ATP8B4: variants seen among roughly 807,000 people sequenced by gnomAD.
ATP8B4 encodes probable phospholipid-transporting ATPase IM.
Under a neutral mutation model 145.6 loss-of-function variants are expected in ATP8B4, and 133 were observed. That is an observed-to-expected ratio of 0.91 (90% CI 0.79 to 1.05). The LOEUF (loss-of-function observed/expected upper bound fraction) is 1.05. Among genes scored for constraint, ATP8B4 ranks in the 50% least tolerant of loss-of-function variants. The pLI, the probability that ATP8B4 is intolerant of heterozygous loss-of-function variation, is 0.00. For missense variants in ATP8B4, 1,458 were observed against 1,425.2 expected, an observed-to-expected ratio of 1.02 and a Z score of -0.37; for synonymous variants, 507 against 492.9, an observed-to-expected ratio of 1.03 and a Z score of -0.38.
intron 14 of ATP8B4, among the ~76,000 whole-genome samples, chr15:49,945,479 G>C (rs1373303902): frequency 6.6e-6 from 1 of 152,088 alleles, no homozygotes; most frequent in Non-Finnish European, 1.5e-5. Context: ...CAAAAAAATT[G>C]ATCAAGAGGG....
intron 6 of ATP8B4, among the ~76,000 whole-genome samples, chr15:50,037,170 G>C (rs984637028): frequency 4.6e-5 from 7 of 152,140 alleles, no homozygotes; most frequent in African/African-American, 1.4e-4. Context: ...AGATATGCTA[G>C]AGTTATTAGT....
chr15:49,895,689 G>T (rs1223482781), intron 23 of ATP8B4: 1 of 152,182 alleles, frequency 6.6e-6, no homozygotes, highest in Non-Finnish European at 1.5e-5. Flanking sequence ...ACCAGTGAAA[G>T]AATAAAAATT....
At chr15:49,861,402 ATG>A (rs58396806) in intron 27 of ATP8B4, among the ~76,000 whole-genome samples, 1,324 of 99,264 alleles carry the variant, frequency 0.013, 19 homozygotes, top group Middle Eastern at 0.044. Flanking sequence ...TTAAAAAAAA[ATG>A]TGTGTGTGTG....
intron 2 of ATP8B4, among the ~76,000 whole-genome samples, chr15:50,077,366 G>A (rs774078028): frequency 1.3e-5 from 2 of 152,108 alleles, no homozygotes; most frequent in Non-Finnish European, 2.9e-5. Context: ...TAACAGTGCT[G>A]GAAAACAAGA....
chr15:49,988,511 A>G (rs2153544027), intron 9 of ATP8B4, among the ~76,000 whole-genome samples: 1 of 152,258 alleles, frequency 6.6e-6, no homozygotes, highest in East Asian at 1.9e-4. Context: ...GGTAGATCCA[A>G]TCAGGGTTTG....
intron 2 of ATP8B4, among the ~76,000 whole-genome samples, chr15:50,088,439 C>T (rs1244817810): frequency 6.6e-6 from 1 of 152,138 alleles, no homozygotes; most frequent in Non-Finnish European, 1.5e-5. Context: ...GCCTCAGTGG[C>T]CTCTTGTTCC....
intron 17 of ATP8B4, chr15:49,922,316 C>A: frequency 2.7e-6 from 1 of 370,098 alleles, no homozygotes; most frequent in Non-Finnish European, 5.3e-6. Flanking sequence ...AAAACCAGGG[C>A]CTTGGTGTTT....
chr15:49,993,479 T>C (rs1302299580), intron 9 of ATP8B4, among the ~76,000 whole-genome samples: 2 of 152,038 alleles, frequency 1.3e-5, no homozygotes, highest in African/African-American at 2.4e-5. Context: ...GCAAGAGCAA[T>C]CGTGGGAAGG....
chr15:49,897,087 T>C, intron 23 of ATP8B4: 1 of 523,036 alleles, frequency 1.9e-6, no homozygotes, highest in Non-Finnish European at 3.3e-6. Flanking sequence ...AGAAAATAAA[T>C]AAATAAAATT....
intron 13 of ATP8B4, among the ~76,000 whole-genome samples, chr15:49,970,494 C>G (rs1212427330): frequency 6.6e-6 from 1 of 152,004 alleles, no homozygotes; most frequent in East Asian, 1.9e-4. Context: ...AAACAGAGAG[C>G]CAAATGATGA....
At chr15:50,154,493 ATCAGCAATTTAACTAGGAGTAACC>A (rs1443625483) in intron 1 of ATP8B4, among the ~76,000 whole-genome samples, 3 of 152,180 alleles carry the variant, frequency 2.0e-5, no homozygotes, top group African/African-American at 7.2e-5. Context: ...ATATATACTA[ATCAGCAATTTAACTAGGAGTAACC>A]TTTTTACCAA....
chr15:50,156,987 C>T (rs2044429991), intron 1 of ATP8B4, among the ~76,000 whole-genome samples: 1 of 151,818 alleles, frequency 6.6e-6, no homozygotes, highest in Non-Finnish European at 1.5e-5. Context: ...AGGGAAAGAG[C>T]CAAATCACTT....
At chr15:49,952,123 G>A (rs910927533) in intron 14 of ATP8B4, among the ~76,000 whole-genome samples, 11 of 152,126 alleles carry the variant, frequency 7.2e-5, no homozygotes, top group Non-Finnish European at 2.9e-5. Flanking sequence ...GCTGCCCTTA[G>A]CAGTTTTTCC....
chr15:50,176,757 C>A (rs1378554718), intron 1 of ATP8B4, among the ~76,000 whole-genome samples: 1 of 152,116 alleles, frequency 6.6e-6, no homozygotes, highest in Non-Finnish European at 1.5e-5. Context: ...AACACCTAAT[C>A]AAAGACATTC....
At position 49,979,738 on chromosome 15, in the gene ATP8B4, G is replaced by C; in HGVS notation, c.913C>G (p.Gln305Glu). The C allele has an allele frequency of 6.2e-7, 1 of 1,610,922 alleles. No individual in the cohort carries two copies. Among genetic ancestry groups the C allele is most frequent in the Non-Finnish European group, 8.5e-7 (1 of 1,177,702 alleles). Residue 305 changes from glutamine (Q) to glutamate (E), a missense_variant, in exon 12 of 28, where the codon CAA (glutamine) becomes GAA (glutamate). Physicochemically the swap from Gln to Glu is conservative, Grantham distance 29 (BLOSUM62 2). Transcript: ENST00000284509. ...TTCCAAAAGAGGAAAGTTCTGAATT[G>C]GTCCCCAGTTTGACTCTCCCAGATT... ...NSIWESQTGD[Q>E]FRTFLFWNEG...
intron 1 of ATP8B4, among the ~76,000 whole-genome samples, chr15:50,117,476 C>T (rs1472964886): frequency 6.6e-6 from 1 of 152,052 alleles, no homozygotes; most frequent in African/African-American, 2.4e-5. Context: ...TAAAATTCTC[C>T]CACCCACAAA....
intron 23 of ATP8B4, among the ~76,000 whole-genome samples, chr15:49,887,642 TAA>T (rs2036351276): frequency 6.6e-6 from 1 of 151,756 alleles, no homozygotes; most frequent in East Asian, 1.9e-4. Context: ...TAAAATCCTA[TAA>T]GTGTCTCTTC....
chr15:49,927,545 T>C (rs745532003), intron 16 of ATP8B4, among the ~76,000 whole-genome samples: 2 of 152,102 alleles, frequency 1.3e-5, no homozygotes, highest in Non-Finnish European at 2.9e-5. Context: ...CCTTCATGCA[T>C]TCTGTGGTAG....
intron 1 of ATP8B4, among the ~76,000 whole-genome samples, chr15:50,147,023 T>C (rs945262109): frequency 6.6e-6 from 1 of 152,012 alleles, no homozygotes; most frequent in Non-Finnish European, 1.5e-5. Context: ...AGGGTTGTTT[T>C]TTGTTTTTTA....
Sources: gnomAD v4.1 joint callset for allele counts (sites outside exome capture counted in the v4.1 genomes callset) on GRCh38, gnomAD v4.1.1 for gene constraint, MANE v1.5 for transcripts, NCBI Gene and HGNC (gene_info 2026-07-23, HGNC 2026-07-21) for gene names.